The following ELK4 variants were observed in gnomAD, a reference collection of about 807,000 sequenced individuals.
ELK4 encodes ETS transcription factor ELK4, also known as ETS domain-containing protein Elk-4.
A neutral mutation model predicts 29.6 loss-of-function variants in ELK4; 16 were observed. The ratio of observed to expected loss-of-function variants is 0.54; its 90% CI spans 0.37 to 0.82. ELK4 has a LOEUF of 0.82. ELK4 is among the 40% of genes least tolerant of loss of function. The pLI, the probability that ELK4 is intolerant of heterozygous loss-of-function variation, is 0.00. For synonymous variants in ELK4, 213 were observed against 191.1 expected (o/e 1.11, Z -0.95); for missense variants, 465 against 507.1 (o/e 0.92, Z 0.80).
intron 1 of ELK4, among the ~76,000 whole-genome samples, chr1:205,628,053 G>A (rs1343559091): frequency 1.3e-5 from 2 of 152,198 alleles, no homozygotes; most frequent in African/African-American, 4.8e-5. Context: ...CTAATTGATT[G>A]TAAAAAAGCA....
intron 1 of ELK4, chr1:205,626,040 G>T: frequency 7.1e-7 from 1 of 1,408,618 alleles, no homozygotes; most frequent in Non-Finnish European, 1.0e-6. Flanking sequence ...GTTTTTCTTT[G>T]TCAACAATGT....
At chr1:205,626,062 C>G (rs1670451251) in intron 1 of ELK4, 2 of 1,255,160 alleles carry the variant, frequency 1.6e-6, no homozygotes, top group Non-Finnish European at 2.3e-6. Context: ...ATTCTGCCCA[C>G]CAGTGCCACA....
In ELK4 at chr1:205,631,735, G is replaced by A. The variant is rs756935141; in HGVS notation, c.-113C>T. On this transcript the variant is annotated 5_prime_UTR_variant, in exon 1 of 5. Transcript: ENST00000357992. ...CTGGAAACTCGAGGACGGCGCGGCA[G>A]CCGCTGCGACCCCCGCGGCGGAGCC... The A allele has an allele frequency of 3.2e-6, 1 of 309,024 alleles. No homozygotes were observed. The highest frequency in any genetic ancestry group is 6.8e-6 in the Non-Finnish European group (1 of 147,012). The allele number at this position is 309,024 out of a possible 1,614,324, so 19.1% of individuals were successfully genotyped here. A position where few individuals can be genotyped will look rare whatever the true frequency, so the allele number is the denominator to read the frequency against.
intron 1 of ELK4, chr1:205,626,045 C>T: frequency 2.9e-6 from 4 of 1,387,612 alleles, no homozygotes; most frequent in Non-Finnish European, 4.1e-6. Flanking sequence ...TCTTTGTCAA[C>T]AATGTCATTC....
chr1:205,609,593 TG>T lies in ELK4; in HGVS notation c.*6952del. 5.0e-6 allele frequency: 1 copy of T among 200,470 alleles called. No homozygotes were observed. The allele number at this position is 200,470 out of a possible 1,614,324, so 12.4% of individuals were successfully genotyped here. On this transcript the variant is annotated 3_prime_UTR_variant, in exon 5 of 5. Transcript: ENST00000357992. ...GCTACTCTACCACTTAAACAATAAA[TG>T]TAAGCAATGAATGTACATACAAAGG...
At chr1:205,619,943 A>C in intron 3 of ELK4, 23 bp downstream of exon 3, 12 of 1,614,252 alleles carry the variant, frequency 7.4e-6, no homozygotes, top group Non-Finnish European at 9.3e-6. Flanking sequence ...CAATGGTGAC[A>C]CCATAAAGAG....
rs552278256 is a variant in ELK4 at position 205,619,390 on chromosome 1, AT to A, written c.1081-318del. The A allele has an allele frequency of 2.2e-4, 230 of 1,061,604 alleles. No individual in the cohort carries two copies. In the African/African-American group the frequency reaches 3.6e-3, roughly 17 times the overall value. 65.8% of individuals were successfully genotyped at this position (1,061,604 alleles called of 1,614,324 possible). Reference sequence around the variant, plus strand: ...GTGCTCAACCTCTTTTTAAGCCAACATTTATAAAGTCTTTTCCAAATAGAAA... The same window carrying A: ...GTGCTCAACCTCTTTTTAAGCCAACATTATAAAGTCTTTTCCAAATAGAAA... On this transcript the variant is annotated intron_variant, in intron 3 of 4. Transcript: ENST00000357992.
rs908827018 is a variant in ELK4, at chr1:205,612,074, T to C, written c.*4472A>G. On this transcript the variant is annotated 3_prime_UTR_variant, in exon 5 of 5. Transcript: ENST00000357992. ...GACTAGTAAAATAAAAATAGAGTCA[T>C]ACCTAACATGAAGATAAGAGACAAC... 8 of 192,528 alleles carry C rather than the reference T, an allele frequency of 4.2e-5. No homozygotes were observed. The highest frequency in any genetic ancestry group is 7.6e-5 in the Non-Finnish European group (7 of 92,200). The allele number at this position is 192,528 out of a possible 1,614,324, so 11.9% of individuals were successfully genotyped here. A position where few individuals can be genotyped will look rare whatever the true frequency, so the allele number is the denominator to read the frequency against.
intron 1 of ELK4, among the ~76,000 whole-genome samples, chr1:205,629,457 G>A (rs1165467500): frequency 6.6e-6 from 1 of 152,160 alleles, no homozygotes; most frequent in Non-Finnish European, 1.5e-5. Flanking sequence ...CGGGCACAGT[G>A]GCATACGCCT....
At chr1:205,624,945 T>G (rs1670424184) in intron 1 of ELK4, among the ~76,000 whole-genome samples, 1 of 152,194 alleles carries the variant, frequency 6.6e-6, no homozygotes, top group Admixed American at 6.5e-5. Flanking sequence ...CACCTTTCTA[T>G]TAGGAAGAAT....
intron 1 of ELK4, chr1:205,626,106 T>C: frequency 1.2e-6 from 1 of 858,298 alleles, no homozygotes; most frequent in Non-Finnish European, 2.0e-6. Context: ...CCATGAAGAC[T>C]TCTTTCTCTA....
At chr1:205,616,787 G>T (rs1670237986) in intron 4 of ELK4, 143 bp from the exon 5 acceptor site, 6 of 610,838 alleles carry the variant, frequency 9.8e-6, no homozygotes, top group Non-Finnish European at 1.4e-5. Flanking sequence ...TATCATGAAA[G>T]AATATGATGT....
intron 1 of ELK4, chr1:205,625,333 C>A: frequency 3.7e-6 from 1 of 267,716 alleles, no homozygotes; most frequent in Non-Finnish European, 7.2e-6. Context: ...GACATCATAG[C>A]AAAGAAGATA....
chr1:205,617,993 G>C (rs527284434), intron 4 of ELK4, among the ~76,000 whole-genome samples: 1 of 98,056 alleles, frequency 1.0e-5, no homozygotes, highest in Non-Finnish European at 2.1e-5. Context: ...GTGAGAGAGA[G>C]AGAGAGCAAG....
chr1:205,629,543 C>A (rs1008219940), intron 1 of ELK4, among the ~76,000 whole-genome samples: 1 of 151,818 alleles, frequency 6.6e-6, no homozygotes, highest in Non-Finnish European at 1.5e-5. Context: ...ATGGTGAAAC[C>A]CCGTTTCTAT....
Position 205,614,414 on chromosome 1 carries a change from A to C in ELK4, c.*2132T>G, listed in dbSNP as rs1670197943. On this transcript the variant is annotated 3_prime_UTR_variant, in exon 5 of 5. Transcript: ENST00000357992. Reference sequence around the variant, plus strand: ...ATGTTAACCTAATTAAAACTATTTCAAAGTGCTGCTGAGAGGTCCAATTTC... The same window carrying C: ...ATGTTAACCTAATTAAAACTATTTCCAAGTGCTGCTGAGAGGTCCAATTTC... 1 of 227,690 alleles carries C rather than the reference A, an allele frequency of 4.4e-6. No homozygotes were observed. Among genetic ancestry groups the C allele is most frequent in the Non-Finnish European group, 8.7e-6 (1 of 114,740 alleles). 14.1% of individuals were successfully genotyped at this position (227,690 alleles called of 1,614,324 possible).
rs1360295501 is a variant in ELK4 at position 205,620,314 on chromosome 1, G to A, written c.732C>T (p.Asn244=). ...PSLEAPTSAS[N]VMTAFATTPP... is the part of the protein sequence containing the mutation. ...GTGTGGTGGCAAAAGCAGTCATTAC[G>A]TTAGAGGCAGAGGTTGGGGCTTCCA... Residue 244 remains asparagine (N), a synonymous_variant, in exon 3 of 5, where the codon AAC becomes AAT. Coordinates refer to ENST00000357992, the MANE Select transcript of ELK4 (RefSeq NM_001973.4). 17 of 1,614,072 alleles carry A rather than the reference G, an allele frequency of 1.1e-5. No homozygotes were observed. Among genetic ancestry groups the A allele is most frequent in the South Asian group, 3.3e-5 (3 of 91,080 alleles).
chr1:205,629,301 T>C (rs1645346153), intron 1 of ELK4, among the ~76,000 whole-genome samples: 1 of 152,236 alleles, frequency 6.6e-6, no homozygotes, highest in African/African-American at 2.4e-5. Context: ...ATTTTATTAA[T>C]TCAATTATGA....
At chr1:205,625,031 CA>C (rs551583596) in intron 1 of ELK4, among the ~76,000 whole-genome samples, 6 of 149,014 alleles carry the variant, frequency 4.0e-5, no homozygotes, top group Non-Finnish European at 7.4e-5. Context: ...TTCACACACA[CA>C]AAAAAAAACA....
Sources: allele counts gnomAD v4.1 joint callset (sites outside exome capture counted in the v4.1 genomes callset), GRCh38; gene constraint gnomAD v4.1.1; transcripts MANE v1.5; gene names NCBI Gene and HGNC (gene_info 2026-07-23, HGNC 2026-07-21).